The following SNTB1 variants were observed in gnomAD, a reference collection of about 807,000 sequenced individuals.
SNTB1 encodes syntrophin beta 1.
A neutral mutation model predicts 48.9 loss-of-function variants in SNTB1; 36 were observed. That is an observed-to-expected ratio of 0.74 (90% CI 0.56 to 0.97). The LOEUF is 0.97. SNTB1 is among the 50% of genes least tolerant of loss of function. The pLI is 0.00. For synonymous variants in SNTB1, 299 were observed against 294.6 expected, an observed-to-expected ratio of 1.01 and a Z score of -0.15; for missense variants, 786 against 703.4, an observed-to-expected ratio of 1.12 and a Z score of -1.33.
intron 4 of SNTB1, 98 bp from the exon 5 acceptor site, chr8:120,549,056 T>G: frequency 1.0e-6 from 1 of 981,250 alleles, no homozygotes; most frequent in Non-Finnish European, 1.5e-6. Flanking sequence ...TCTGCTCTCA[T>G]TTTTCTGGTC....
chr8:120,788,424 A>G (rs2130145601), intron 1 of SNTB1, among the ~76,000 whole-genome samples: 1 of 152,262 alleles, frequency 6.6e-6, no homozygotes, highest in Non-Finnish European at 1.5e-5. Flanking sequence ...AAATGGTCCA[A>G]TTAAGATATA....
chr8:120,732,769 C>A (rs1013810539), intron 1 of SNTB1, among the ~76,000 whole-genome samples: 1 of 152,154 alleles, frequency 6.6e-6, no homozygotes, highest in Non-Finnish European at 1.5e-5. Flanking sequence ...TCATTTGAAC[C>A]CACGAGGTGG....
At position 120,537,003 on chromosome 8, in the gene SNTB1, A is replaced by G. The variant is rs945135538; in HGVS notation, c.*1874T>C. 1 of 152,126 alleles carries G rather than the reference A, an allele frequency of 6.6e-6. No homozygotes were observed. Among genetic ancestry groups the G allele is most frequent in the African/African-American group, 2.4e-5 (1 of 41,456 alleles). 9.4% of individuals were successfully genotyped at this position (152,126 alleles called of 1,614,324 possible). On this transcript the variant is annotated 3_prime_UTR_variant, in exon 7 of 7. Coordinates refer to ENST00000517992, the MANE Select transcript of SNTB1 (RefSeq NM_021021.4). ...AACATTCCAGTGATTTTGAAAATAT[A>G]TAGTGAAAGAGTGCAATATAATTTA...
At chr8:120,719,277 A>T (rs1818613827) in intron 1 of SNTB1, among the ~76,000 whole-genome samples, 1 of 152,152 alleles carries the variant, frequency 6.6e-6, no homozygotes, top group East Asian at 1.9e-4. Flanking sequence ...GAGAAACATG[A>T]AAAGGTCAGA....
chr8:120,686,756 A>C (rs1237527553), intron 2 of SNTB1, among the ~76,000 whole-genome samples: 2 of 152,242 alleles, frequency 1.3e-5, no homozygotes, highest in Non-Finnish European at 2.9e-5. Flanking sequence ...CACTGATACA[A>C]GCATGCAGTT....
intron 1 of SNTB1, among the ~76,000 whole-genome samples, chr8:120,748,550 C>T (rs1378981263): frequency 6.6e-6 from 1 of 152,132 alleles, no homozygotes; most frequent in Non-Finnish European, 1.5e-5. Flanking sequence ...ACCCATAATA[C>T]AGTACATAAC....
chr8:120,550,542 TA>T (rs11445916), intron 4 of SNTB1, among the ~76,000 whole-genome samples: 13,042 of 126,586 alleles, frequency 0.1, 1,209 homozygotes, highest in African/African-American at 0.25. Flanking sequence ...ACTCTGTCTT[TA>T]AAAAAAAAAA....
chr8:120,621,118 C>T (rs756441860), intron 3 of SNTB1, among the ~76,000 whole-genome samples: 2 of 152,094 alleles, frequency 1.3e-5, no homozygotes, highest in Non-Finnish European at 2.9e-5. Flanking sequence ...CGACACCATG[C>T]CCGGCTAATT....
chr8:120,548,430 C>A (rs987350686), intron 5 of SNTB1, among the ~76,000 whole-genome samples: 15 of 152,098 alleles, frequency 9.9e-5, no homozygotes, highest in Admixed American at 9.8e-4. Context: ...GAATCAGTTT[C>A]TGTTGTTTGT....
chr8:120,638,565 C>G (rs1420187723), intron 2 of SNTB1, among the ~76,000 whole-genome samples: 1 of 152,096 alleles, frequency 6.6e-6, no homozygotes, highest in Non-Finnish European at 1.5e-5. Flanking sequence ...ACTCCCCTCA[C>G]CCCACGACAG....
chr8:120,566,057 G>T (rs1368722664), intron 4 of SNTB1, among the ~76,000 whole-genome samples: 1 of 152,114 alleles, frequency 6.6e-6, no homozygotes. Context: ...AAATTAGCCA[G>T]ATGTGGTGTC....
In SNTB1 at chr8:120,761,928, T is replaced by C. The variant is rs560647699; in HGVS notation, c.571+49345A>G. Among the ~76,000 whole-genome samples, 18 of 152,364 alleles carry C rather than the reference T, an allele frequency of 1.2e-4. No homozygotes were observed. In the South Asian group the frequency reaches 3.7e-3, roughly 32 times the overall value. ...CAAGGCTGGGTTCCAGCAGTCTGTG[T>C]ATTTCAGCTCATGGATTTCTAGTTC... On this transcript the variant is annotated intron_variant, in intron 1 of 6. Coordinates refer to ENST00000517992, the MANE Select transcript of SNTB1 (RefSeq NM_021021.4).
At chr8:120,592,195 T>C (rs1008614366) in intron 3 of SNTB1, among the ~76,000 whole-genome samples, 4 of 151,820 alleles carry the variant, frequency 2.6e-5, no homozygotes, top group East Asian at 1.9e-4. Flanking sequence ...TTTTTTTTTT[T>C]CCAAGAGAGA....
Position 120,812,006 on chromosome 8 carries a change from C to T in SNTB1, c.-163G>A, listed in dbSNP as rs1187752827. The stretch of plus-strand genomic sequence containing the variant: ...TCCGGGAGTTCGCAGACGCACTCGG[C>T]GGGAGTTGGCAGCTGCACTCAGGCT... On this transcript the variant is annotated 5_prime_UTR_variant, in exon 1 of 7. Transcript: ENST00000517992. 2 of 1,266,098 alleles carry T rather than the reference C, an allele frequency of 1.6e-6. No homozygotes were observed. The highest frequency in any genetic ancestry group is 2.0e-6 in the Non-Finnish European group (2 of 1,011,550). 78.4% of individuals were successfully genotyped at this position (1,266,098 alleles called of 1,614,324 possible).
chr8:120,637,335 T>G (rs1211860811), intron 2 of SNTB1: 8 of 272,150 alleles, frequency 2.9e-5, no homozygotes, highest in Non-Finnish European at 5.4e-5. Flanking sequence ...GATACCTCAC[T>G]ACCTAAGAAA....
intron 1 of SNTB1, among the ~76,000 whole-genome samples, chr8:120,752,009 A>T (rs1003579347): frequency 6.6e-6 from 1 of 152,140 alleles, no homozygotes; most frequent in African/African-American, 2.4e-5. Context: ...GTTGTTAGTG[A>T]TCGTCTTATT....
intron 1 of SNTB1, among the ~76,000 whole-genome samples, chr8:120,736,228 C>T (rs748188020): frequency 6.6e-6 from 1 of 152,078 alleles, no homozygotes; most frequent in Non-Finnish European, 1.5e-5. Context: ...CTTGCCTCTC[C>T]CTTGACACGT....
intron 3 of SNTB1, among the ~76,000 whole-genome samples, chr8:120,618,274 G>A (rs2130738629): frequency 6.6e-6 from 1 of 152,274 alleles, no homozygotes; most frequent in South Asian, 2.1e-4. Flanking sequence ...ATTTGTTTGT[G>A]AGTTCCCTGA....
intron 1 of SNTB1, among the ~76,000 whole-genome samples, chr8:120,696,945 G>A (rs369990123): frequency 6.6e-6 from 1 of 152,184 alleles, no homozygotes; most frequent in Non-Finnish European, 1.5e-5. Context: ...GTGAGTGAGA[G>A]AGTGGCAGAA....
Sources: gnomAD v4.1 joint callset for allele counts (sites outside exome capture counted in the v4.1 genomes callset) on GRCh38, gnomAD v4.1.1 for gene constraint, MANE v1.5 for transcripts, NCBI Gene and HGNC (gene_info 2026-07-23, HGNC 2026-07-21) for gene names.